MDFIC2: variants seen among roughly 807,000 people sequenced by gnomAD.
MDFIC2 encodes the protein MyoD family inhibitor domain containing 2.
intron 2 of MDFIC2, among the ~76,000 whole-genome samples, chr3:70,262,065 A>G (rs1162704610): frequency 6.6e-6 from 1 of 152,142 alleles, no homozygotes; most frequent in Non-Finnish European, 1.5e-5. Flanking sequence ...TTGCTGGTCA[A>G]TCTCACGATA....
chr3:70,260,581 TTTTA>T (rs1333731532), intron 2 of MDFIC2, among the ~76,000 whole-genome samples: 2 of 151,968 alleles, frequency 1.3e-5, no homozygotes, highest in African/African-American at 4.8e-5. Flanking sequence ...GGTCTGCATA[TTTTA>T]TTTATTTATT....
intron 2 of MDFIC2, among the ~76,000 whole-genome samples, chr3:70,216,914 C>T (rs1276824695): frequency 2.6e-5 from 4 of 152,120 alleles, no homozygotes; most frequent in Non-Finnish European, 4.4e-5. Context: ...TGCACAGGGA[C>T]CCCTTCCCCT....
At chr3:70,269,380 G>C (rs959938592) in intron 2 of MDFIC2, among the ~76,000 whole-genome samples, 2 of 152,184 alleles carry the variant, frequency 1.3e-5, no homozygotes, top group Non-Finnish European at 2.9e-5. Context: ...TAGACACCCT[G>C]TAACCTACTT....
intron 2 of MDFIC2, among the ~76,000 whole-genome samples, chr3:70,264,496 T>C (rs1237115379): frequency 6.6e-6 from 1 of 152,202 alleles, no homozygotes. Flanking sequence ...ACCAGCATAT[T>C]CTCTCCCTGT....
At chr3:70,263,434 A>T (rs890354377) in intron 2 of MDFIC2, among the ~76,000 whole-genome samples, 2 of 152,134 alleles carry the variant, frequency 1.3e-5, no homozygotes, top group African/African-American at 4.8e-5. Context: ...CTAAGGTGTG[A>T]TCCTTCTGCA....
intron 2 of MDFIC2, among the ~76,000 whole-genome samples, chr3:70,296,335 A>T (rs1434501779): frequency 1.3e-5 from 2 of 152,122 alleles, no homozygotes; most frequent in East Asian, 3.9e-4. Context: ...TAAGAGACTG[A>T]AACAGACTCT....
At chr3:70,235,304 A>G (rs570867056) in intron 2 of MDFIC2, among the ~76,000 whole-genome samples, 4 of 152,238 alleles carry the variant, frequency 2.6e-5, no homozygotes, top group African/African-American at 9.6e-5. Flanking sequence ...TAGAGACTAT[A>G]AATCCTTTGT....
chr3:70,254,250 A>G (rs1046968533), intron 2 of MDFIC2, among the ~76,000 whole-genome samples: 16 of 152,180 alleles, frequency 1.1e-4, no homozygotes, highest in Admixed American at 1.3e-4. Flanking sequence ...GTTAAGTTTA[A>G]TGGATAAATT....
chr3:70,295,346 A>C (rs900948558), intron 2 of MDFIC2, among the ~76,000 whole-genome samples: 1 of 152,170 alleles, frequency 6.6e-6, no homozygotes, highest in Non-Finnish European at 1.5e-5. Context: ...CCAGATTTCA[A>C]ATATAGGTAT....
intron 2 of MDFIC2, among the ~76,000 whole-genome samples, chr3:70,292,713 A>G (rs1702250428): frequency 2.0e-5 from 3 of 152,066 alleles, no homozygotes; most frequent in Non-Finnish European, 4.4e-5. Context: ...ACATACTTAA[A>G]ACTAGATCTT....
At chr3:70,253,227 G>T (rs530881543) in intron 2 of MDFIC2, among the ~76,000 whole-genome samples, 21 of 152,324 alleles carry the variant, frequency 1.4e-4, no homozygotes, top group African/African-American at 4.8e-4. Flanking sequence ...CTGAGAAGGT[G>T]CCTTTTAGTG....
intron 3 of MDFIC2, chr3:70,204,466 C>A (rs1701271925): frequency 6.6e-6 from 1 of 152,100 alleles, no homozygotes; most frequent in Admixed American, 6.6e-5. Flanking sequence ...GGCTTCTTTT[C>A]CTTTCTCTTT....
intron 2 of MDFIC2, among the ~76,000 whole-genome samples, chr3:70,215,473 C>A (rs1265621300): frequency 6.6e-6 from 1 of 152,042 alleles, no homozygotes; most frequent in Non-Finnish European, 1.5e-5. Context: ...TATGTAGGTT[C>A]AAACCTAGAA....
intron 2 of MDFIC2, chr3:70,302,522 C>G (rs1351679391): frequency 3.3e-5 from 5 of 152,192 alleles, no homozygotes; most frequent in African/African-American, 1.2e-4. Context: ...GCTGTTGTGA[C>G]TTGTAGGAAA....
At chr3:70,265,496 GCA>G (rs1161395558) in intron 2 of MDFIC2, among the ~76,000 whole-genome samples, 1 of 148,246 alleles carries the variant, frequency 6.7e-6, no homozygotes, top group Non-Finnish European at 1.5e-5. Flanking sequence ...CATACTCCCT[GCA>G]CACACACACT....
rs1396139001 is a variant in MDFIC2, at chr3:70,196,454, TATACA to T, written c.*467_*471del. ...TAAATTTTTAATTACAAAATGATGT[TATACA>T]ATACATTATTAATAATAACCAACAA... On this transcript the variant is annotated 3_prime_UTR_variant, in exon 4 of 4. Coordinates refer to ENST00000567252, the MANE Select transcript of MDFIC2 (RefSeq NM_001364677.1). Among the ~76,000 whole-genome samples, 76 of 152,300 alleles carry T rather than the reference TATACA, an allele frequency of 5.0e-4. No homozygotes were observed. Among genetic ancestry groups the T allele is most frequent in the Non-Finnish European group, 4.7e-4 (32 of 68,024 alleles).
rs1400892957 is a variant in MDFIC2 at position 70,206,760 on chromosome 3, T to C, written c.119A>G (p.Asp40Gly). Reference sequence around the variant, plus strand: ...AACAATAGCATTAATGGGTTTCTCATCTGCATGCTTTGCATTCGTGAGTTG... The same window carrying C: ...AACAATAGCATTAATGGGTTTCTCACCTGCATGCTTTGCATTCGTGAGTTG... ...DTQLTNAKHA[D>G]EKPINAIVIN... Residue 40 changes from aspartate (D) to glycine (G), a missense_variant, in exon 3 of 4, where the codon GAT (aspartate) becomes GGT (glycine). Physicochemically the swap from Asp to Gly is moderately conservative, Grantham distance 94. Coordinates refer to ENST00000567252, the MANE Select transcript of MDFIC2 (RefSeq NM_001364677.1). 2.5e-6 allele frequency: 1 copy of C among 397,658 alleles called. No homozygotes were observed. Among genetic ancestry groups the C allele is most frequent in the Non-Finnish European group, 4.4e-6 (1 of 225,496 alleles). The allele number at this position is 397,658 out of a possible 1,614,324, so 24.6% of individuals were successfully genotyped here.
At chr3:70,308,657 G>A (rs1463287995) in intron 2 of MDFIC2, among the ~76,000 whole-genome samples, 2 of 152,150 alleles carry the variant, frequency 1.3e-5, no homozygotes, top group Non-Finnish European at 2.9e-5. Context: ...GTCCTTGAGT[G>A]CAGGAGAGTA....
intron 2 of MDFIC2, among the ~76,000 whole-genome samples, chr3:70,228,892 G>A (rs1237335713): frequency 7.2e-5 from 11 of 152,034 alleles, no homozygotes; most frequent in African/African-American, 1.2e-4. Flanking sequence ...TATGTAGTAC[G>A]TGAGGAGAAA....
Sources: allele counts gnomAD v4.1 joint callset (sites outside exome capture counted in the v4.1 genomes callset), GRCh38; gene constraint gnomAD v4.1.1; transcripts MANE v1.5; gene names NCBI Gene and HGNC (gene_info 2026-07-23, HGNC 2026-07-21).